The following TPO variants were observed in gnomAD, a reference collection of about 807,000 sequenced individuals.
TPO encodes the protein thyroid microsomal antigen.
TPO carries 78 observed loss-of-function variants against 96.9 expected under a neutral mutation model. That is an observed-to-expected ratio of 0.81 (90% CI 0.67 to 0.97). The LOEUF is 0.97. Ranked by LOEUF, TPO falls within the 50% of genes least tolerant of loss-of-function variation. The pLI is 0.00. For missense variants in TPO, 1,252 were observed against 1,274.8 expected, an observed-to-expected ratio of 0.98 and a Z score of 0.27; for synonymous variants, 547 against 538.0, an observed-to-expected ratio of 1.02 and a Z score of -0.23.
At chr2:1,378,264 A>G (rs1661753399) in intron 1 of TPO, among the ~76,000 whole-genome samples, 2 of 152,218 alleles carry the variant, frequency 1.3e-5, no homozygotes, top group South Asian at 4.1e-4. Context: ...AAGTGCCCTT[A>G]CGTTGCTGGA....
intron 1 of TPO, among the ~76,000 whole-genome samples, chr2:1,402,695 C>A (rs1291353102): frequency 6.6e-6 from 1 of 152,134 alleles, no homozygotes; most frequent in East Asian, 1.9e-4. Context: ...CATCAGATCT[C>A]ATGAGACTTA....
chr2:1,496,291 G>A, intron 12 of TPO, 94 bp downstream of exon 12: 3 of 1,216,770 alleles, frequency 2.5e-6, no homozygotes, highest in Non-Finnish European at 2.2e-6. Flanking sequence ...ACTTTTCACT[G>A]TTTAGAAAAT....
At chr2:1,451,478 G>T (rs1347998258) in intron 5 of TPO, among the ~76,000 whole-genome samples, 1 of 152,128 alleles carries the variant, frequency 6.6e-6, no homozygotes, top group African/African-American at 2.4e-5. Context: ...TTCACTCCTT[G>T]TATTTTTTAA....
intron 11 of TPO, among the ~76,000 whole-genome samples, chr2:1,494,632 T>C (rs886877596): frequency 1.3e-5 from 2 of 152,388 alleles, no homozygotes; most frequent in African/African-American, 2.4e-5. Flanking sequence ...TGTTCCCATC[T>C]GACTCTGAGT....
intron 1 of TPO, among the ~76,000 whole-genome samples, chr2:1,407,619 G>C (rs17091616): frequency 0.024 from 3,703 of 152,222 alleles, 113 homozygotes; most frequent in East Asian, 0.078. Context: ...AAAGTTACTT[G>C]GTCATACCTC....
At chr2:1,482,244 G>A (rs1165524684) in intron 8 of TPO, among the ~76,000 whole-genome samples, 1 of 152,168 alleles carries the variant, frequency 6.6e-6, no homozygotes, top group Non-Finnish European at 1.5e-5. Flanking sequence ...CGTGTGCTGG[G>A]GTCCTGGCTT....
At chr2:1,475,624 T>C (rs2361750) in intron 7 of TPO, among the ~76,000 whole-genome samples, 96,884 of 151,742 alleles carry the variant, frequency 0.64, 31,332 homozygotes, top group East Asian at 0.77. Context: ...GGGGTTTCAC[T>C]GTGTTAGCCA....
chr2:1,378,035 T>C (rs548363500), intron 1 of TPO, among the ~76,000 whole-genome samples: 4 of 152,288 alleles, frequency 2.6e-5, no homozygotes, highest in Non-Finnish European at 5.9e-5. Flanking sequence ...ATCTGATGGT[T>C]TTATCAGGGA....
chr2:1,433,739 A>T, intron 4 of TPO, 132 bp downstream of exon 4: 1 of 1,041,204 alleles, frequency 9.6e-7, no homozygotes, highest in Admixed American at 2.3e-5. Flanking sequence ...CAGCTCTTTC[A>T]AAGCATACAA....
intron 13 of TPO, among the ~76,000 whole-genome samples, chr2:1,499,757 TTCTC>T (rs749445511): frequency 2.0e-4 from 31 of 152,328 alleles, no homozygotes; most frequent in Non-Finnish European, 3.5e-4. Context: ...TCATCCTGTC[TTCTC>T]TCTCTAGTTC....
chr2:1,540,566 C>G, intron 15 of TPO, 28 bp from the exon 16 acceptor site: 1 of 1,611,610 alleles, frequency 6.2e-7, no homozygotes. Flanking sequence ...GGACCCTCTC[C>G]CGATAACTGG....
At chr2:1,485,047 T>TC (rs1671007155) in intron 9 of TPO, among the ~76,000 whole-genome samples, 193 bp downstream of exon 9, 2 of 151,986 alleles carry the variant, frequency 1.3e-5, no homozygotes, top group African/African-American at 4.8e-5. Context: ...CCTAATGCTA[T>TC]CCCTCCCCCT....
intron 6 of TPO, among the ~76,000 whole-genome samples, chr2:1,454,941 A>G (rs546083645): frequency 2.6e-4 from 40 of 152,360 alleles, no homozygotes; most frequent in African/African-American, 9.4e-4. Flanking sequence ...TTCCAATTTC[A>G]CAATCAGTGT....
chr2:1,516,550 G>A (rs1674731652), intron 14 of TPO, among the ~76,000 whole-genome samples: 5 of 152,174 alleles, frequency 3.3e-5, no homozygotes, highest in Admixed American at 2.6e-4. Flanking sequence ...TCCACTCCGA[G>A]GGCACTGAGA....
At chr2:1,450,205 C>T (rs1403308613) in intron 5 of TPO, among the ~76,000 whole-genome samples, 2 of 152,214 alleles carry the variant, frequency 1.3e-5, no homozygotes, top group Non-Finnish European at 2.9e-5. Flanking sequence ...TGGCACTCAG[C>T]GTGTCCATGT....
At chr2:1,525,074 C>T (rs1383165938) in intron 15 of TPO, among the ~76,000 whole-genome samples, 2 of 119,898 alleles carry the variant, frequency 1.7e-5, no homozygotes, top group African/African-American at 6.5e-5. Context: ...TGTGCAACCC[C>T]CCCAAATCCC....
chr2:1,527,474 C>T (rs991165406), intron 15 of TPO, among the ~76,000 whole-genome samples: 5 of 148,726 alleles, frequency 3.4e-5, no homozygotes, highest in Non-Finnish European at 7.4e-5. Flanking sequence ...GCAACCTCCT[C>T]AAATCCCCCC....
chr2:1,406,512 G>T (rs1662252888), intron 1 of TPO, among the ~76,000 whole-genome samples: 1 of 152,204 alleles, frequency 6.6e-6, no homozygotes, highest in Non-Finnish European at 1.5e-5. Flanking sequence ...GCCATGCCTG[G>T]CTTGCAGCCC....
At position 1,496,043 on chromosome 2, in the gene TPO, G is replaced by A; in HGVS notation, c.2061G>A (p.Glu687=). 1 of 1,613,876 alleles carries A rather than the reference G, an allele frequency of 6.2e-7. No individual in the cohort carries two copies. Among genetic ancestry groups the A allele is most frequent in the Non-Finnish European group, 8.5e-7 (1 of 1,180,032 alleles). The change falls in exon 12 of 17, where the codon GAG becomes GAA. Residue 687 remains glutamate (E), a synonymous_variant. Transcript: ENST00000329066. ...VFTDAQRREL[E]KHSLSRVICD... is the part of the protein sequence containing the mutation. ...CGGATGCACAGAGGCGTGAGCTGGA[G>A]AAGCACTCCCTGTCTCGGGTCATCT...
Sources: allele counts gnomAD v4.1 joint callset (sites outside exome capture counted in the v4.1 genomes callset), GRCh38; gene constraint gnomAD v4.1.1; transcripts MANE v1.5; gene names NCBI Gene and HGNC (gene_info 2026-07-23, HGNC 2026-07-21).